The following FOXP2 variants were observed in gnomAD, a reference collection of about 807,000 sequenced individuals.
FOXP2 encodes forkhead box P2.
A neutral mutation model predicts 115.8 loss-of-function variants in FOXP2; 12 were observed. The observed-to-expected ratio is 0.10, with a 90% CI of 0.07 to 0.17. FOXP2 has a LOEUF of 0.17. FOXP2 is among the 10% of genes least tolerant of loss of function. FOXP2 has a pLI of 1.00. For synonymous variants in FOXP2, 328 were observed against 297.7 expected (o/e 1.10, Z -1.05); for missense variants, 629 against 843.5 (o/e 0.75, Z 3.15).
intron 1 of FOXP2, among the ~76,000 whole-genome samples, chr7:114,206,641 C>G (rs1442953618): frequency 6.6e-6 from 1 of 152,074 alleles, no homozygotes; most frequent in East Asian, 1.9e-4. Context: ...TCTATATTTC[C>G]TCTCTTCCTC....
intron 2 of FOXP2, among the ~76,000 whole-genome samples, chr7:114,531,253 TATGA>T: frequency 6.6e-6 from 1 of 152,002 alleles, no homozygotes; most frequent in African/African-American, 2.4e-5. Flanking sequence ...CAGAGAACTT[TATGA>T]ATGGCCCTGG....
intron 1 of FOXP2, among the ~76,000 whole-genome samples, chr7:114,135,996 G>A (rs1014646662): frequency 5.9e-5 from 9 of 151,612 alleles, no homozygotes; most frequent in African/African-American, 4.8e-5. Flanking sequence ...TTCCTTCCCC[G>A]CTTTTTCTTC....
At chr7:114,640,605 T>C (rs1028460522) in intron 6 of FOXP2, among the ~76,000 whole-genome samples, 2 of 152,184 alleles carry the variant, frequency 1.3e-5, no homozygotes, top group African/African-American at 4.8e-5. Context: ...TTGCAGGGAT[T>C]GGGGTGAGAG....
At chr7:114,267,397 T>C (rs1014007954) in intron 1 of FOXP2, among the ~76,000 whole-genome samples, 5 of 152,170 alleles carry the variant, frequency 3.3e-5, no homozygotes, top group Non-Finnish European at 4.4e-5. Flanking sequence ...AGATATTCGC[T>C]CTTACATGAA....
At chr7:114,311,199 T>C (rs1442622216) in intron 2 of FOXP2, among the ~76,000 whole-genome samples, 1 of 152,102 alleles carries the variant, frequency 6.6e-6, no homozygotes, top group Non-Finnish European at 1.5e-5. Flanking sequence ...CTGATATGTG[T>C]CTGTCAGGTT....
At chr7:114,452,757 A>T (rs1325455137) in intron 2 of FOXP2, among the ~76,000 whole-genome samples, 1 of 152,102 alleles carries the variant, frequency 6.6e-6, no homozygotes, top group Non-Finnish European at 1.5e-5. Context: ...TGATATGAAT[A>T]TACTGAATAT....
At chr7:114,368,047 T>G (rs1460227642) in intron 2 of FOXP2, among the ~76,000 whole-genome samples, 2 of 152,150 alleles carry the variant, frequency 1.3e-5, no homozygotes, top group African/African-American at 4.8e-5. Context: ...TTCCTAACTG[T>G]TAGTAAAACA....
chr7:114,613,175 T>C (rs567058795), intron 3 of FOXP2, among the ~76,000 whole-genome samples: 2 of 152,354 alleles, frequency 1.3e-5, no homozygotes, highest in African/African-American at 4.8e-5. Context: ...TTTAGAATTT[T>C]TTTAATTAAC....
At chr7:114,090,218 C>T (rs185284335) in intron 1 of FOXP2, among the ~76,000 whole-genome samples, 1 of 151,962 alleles carries the variant, frequency 6.6e-6, no homozygotes, top group African/African-American at 2.4e-5. Flanking sequence ...ACACAGGTCT[C>T]TAAGAAGTTT....
At chr7:114,218,885 A>C (rs1341067868) in intron 1 of FOXP2, among the ~76,000 whole-genome samples, 2 of 152,172 alleles carry the variant, frequency 1.3e-5, no homozygotes, top group Non-Finnish European at 2.9e-5. Flanking sequence ...TATTATATCA[A>C]ATCATGCTTG....
chr7:114,509,452 C>T (rs1006710937), intron 2 of FOXP2, among the ~76,000 whole-genome samples: 2 of 151,882 alleles, frequency 1.3e-5, no homozygotes, highest in Admixed American at 6.6e-5. Context: ...AGAGAAGAAA[C>T]GATAGGAGCT....
intron 1 of FOXP2, among the ~76,000 whole-genome samples, chr7:114,261,395 A>G (rs956225387): frequency 6.6e-6 from 1 of 152,150 alleles, no homozygotes; most frequent in African/African-American, 2.4e-5. Context: ...TAATTTATTT[A>G]TGTTACCTCT....
chr7:114,455,452 G>T (rs1303424053), intron 2 of FOXP2, among the ~76,000 whole-genome samples: 1 of 152,162 alleles, frequency 6.6e-6, no homozygotes, highest in Non-Finnish European at 1.5e-5. Flanking sequence ...GGCACTGTTG[G>T]TGAAGTGTGT....
intron 3 of FOXP2, among the ~76,000 whole-genome samples, chr7:114,556,872 TA>T (rs1800485819): frequency 1.3e-5 from 2 of 152,346 alleles, no homozygotes; most frequent in Admixed American, 6.5e-5. Context: ...GTGAGATTTC[TA>T]TTAAGAAAAA....
intron 2 of FOXP2, among the ~76,000 whole-genome samples, chr7:114,292,698 T>G (rs1584613282): frequency 6.6e-6 from 1 of 152,296 alleles, no homozygotes; most frequent in Admixed American, 6.5e-5. Flanking sequence ...GCATAGTATC[T>G]TACCCTATCA....
rs1357588846 is a variant in FOXP2 at position 114,170,259 on chromosome 7, A to G, written c.-102+7171A>G. On this transcript the variant is annotated intron_variant, in intron 1 of 17. Transcript: ENST00000634411. ...TGTAAAACAGCAAACTTAATTGGTA[A>G]ATGTTATGTGTGTTCTGATTGCTCC... Among the ~76,000 whole-genome samples, 6 of 152,102 alleles carry G rather than the reference A, an allele frequency of 3.9e-5. No individual in the cohort carries two copies. The South Asian group carries it at 6.2e-4, about 16-fold the overall frequency.
chr7:114,220,309 T>C (rs1794590022), intron 1 of FOXP2, among the ~76,000 whole-genome samples: 2 of 152,108 alleles, frequency 1.3e-5, no homozygotes, highest in African/African-American at 2.4e-5. Flanking sequence ...ATATAAGATA[T>C]AGGGAAAAAT....
At chr7:114,346,916 C>G (rs1274403232) in intron 2 of FOXP2, among the ~76,000 whole-genome samples, 1 of 151,622 alleles carries the variant, frequency 6.6e-6, no homozygotes, top group Admixed American at 6.6e-5. Context: ...AAGGTTCTCA[C>G]CAGGTTATGG....
In FOXP2 at chr7:114,559,670, CAGG is replaced by C. The variant is rs1800658163; in HGVS notation, c.258+24967_258+24969del. Among the ~76,000 whole-genome samples, 3 of 152,052 alleles carry C rather than the reference CAGG, an allele frequency of 2.0e-5. No individual in the cohort carries two copies. In the South Asian group the frequency reaches 6.2e-4, roughly 32 times the overall value. On this transcript the variant is annotated intron_variant, in intron 3 of 16. Coordinates refer to ENST00000350908, the MANE Select transcript of FOXP2 (RefSeq NM_014491.4). ...GGCCAAGGCGGGCAGATCACGAGGT[CAGG>C]AGATCGAGACCATACTGGCTAACAC... is the stretch of plus-strand genomic sequence containing the variant.
Sources: allele counts gnomAD v4.1 joint callset (sites outside exome capture counted in the v4.1 genomes callset), GRCh38; gene constraint gnomAD v4.1.1; transcripts MANE v1.5; gene names NCBI Gene and HGNC (gene_info 2026-07-23, HGNC 2026-07-21).